QTMAN: variants seen among roughly 807,000 people sequenced by gnomAD.
QTMAN encodes tRNA-queuosine alpha-mannosyltransferase.
the QTMAN span, among the ~76,000 whole-genome samples, chr2:144,184,245 C>T: frequency 1.3e-4 from 20 of 151,972 alleles, no homozygotes; most frequent in African/African-American, 4.6e-4. Flanking sequence ...TGGGCCAATC[C>T]TTCTTTTTTT....
chr2:144,251,076 A>G, the QTMAN span, among the ~76,000 whole-genome samples: 21 of 152,134 alleles, frequency 1.4e-4, no homozygotes, highest in African/African-American at 5.1e-4. Flanking sequence ...GCCACTTTGT[A>G]TAAAAGTAGT....
the QTMAN span, among the ~76,000 whole-genome samples, chr2:144,035,312 T>C: frequency 6.6e-6 from 1 of 152,300 alleles, no homozygotes; most frequent in South Asian, 2.1e-4. Context: ...CAATGAAACC[T>C]CTTTTCTTTA....
chr2:144,131,637 C>T, the QTMAN span, among the ~76,000 whole-genome samples: 1 of 151,882 alleles, frequency 6.6e-6, no homozygotes, highest in Non-Finnish European at 1.5e-5. Flanking sequence ...TTAATCTTCT[C>T]TAGATCCAAT....
At chr2:144,171,457 T>G in the QTMAN span, among the ~76,000 whole-genome samples, 1 of 152,236 alleles carries the variant, frequency 6.6e-6, no homozygotes. Flanking sequence ...TACAAAAATT[T>G]TTTAACTTCC....
At chr2:144,019,541 G>C in the QTMAN span, among the ~76,000 whole-genome samples, 1 of 150,370 alleles carries the variant, frequency 6.7e-6, no homozygotes, top group Non-Finnish European at 1.5e-5. Flanking sequence ...AAAGGCTCAG[G>C]AATTTATCAG....
chr2:144,084,003 T>C, the QTMAN span, among the ~76,000 whole-genome samples: 3 of 152,222 alleles, frequency 2.0e-5, no homozygotes, highest in Non-Finnish European at 4.4e-5. Flanking sequence ...TAATAATACA[T>C]GTGAAGAGAA....
At chr2:144,229,621 T>C in the QTMAN span, among the ~76,000 whole-genome samples, 38 of 152,152 alleles carry the variant, frequency 2.5e-4, no homozygotes, top group African/African-American at 8.4e-4. Context: ...TCTTAGCATA[T>C]AGGATAAGCA....
At chr2:144,098,786 T>C in the QTMAN span, among the ~76,000 whole-genome samples, 1 of 149,366 alleles carries the variant, frequency 6.7e-6, no homozygotes, top group African/African-American at 2.5e-5. Context: ...TTCCCTAAGG[T>C]AAACGGCACT....
the QTMAN span, among the ~76,000 whole-genome samples, chr2:144,158,667 T>C: frequency 6.6e-6 from 1 of 151,958 alleles, no homozygotes; most frequent in Non-Finnish European, 1.5e-5. Flanking sequence ...TTGCAACAGA[T>C]ACATTACTTC....
At chr2:144,033,959 T>C in the QTMAN span, among the ~76,000 whole-genome samples, 3 of 152,298 alleles carry the variant, frequency 2.0e-5, no homozygotes, top group African/African-American at 4.8e-5. Context: ...TGGGGCTGCA[T>C]GGGATGAGTG....
the QTMAN span, among the ~76,000 whole-genome samples, chr2:144,058,178 T>G: frequency 8.9e-6 from 1 of 112,668 alleles, no homozygotes; most frequent in Non-Finnish European, 1.7e-5. Flanking sequence ...ACAAAGAAAC[T>G]TTTGGAGATG....
the QTMAN span, among the ~76,000 whole-genome samples, chr2:144,309,747 T>A: frequency 6.6e-6 from 1 of 152,184 alleles, no homozygotes. Flanking sequence ...TTTTACTATA[T>A]GCAAATTATA....
the QTMAN span, among the ~76,000 whole-genome samples, chr2:144,098,188 C>T: frequency 6.6e-6 from 1 of 152,186 alleles, no homozygotes; most frequent in Non-Finnish European, 1.5e-5. Context: ...AGGCTCACAA[C>T]CAATACGTCA....
At chr2:144,125,507 G>A in the QTMAN span, among the ~76,000 whole-genome samples, 14 of 152,058 alleles carry the variant, frequency 9.2e-5, no homozygotes, top group South Asian at 1.2e-3. Flanking sequence ...CTGCTGTGTA[G>A]TGTTGTGATG....
At chr2:144,101,027 G>A in the QTMAN span, among the ~76,000 whole-genome samples, 3 of 151,574 alleles carry the variant, frequency 2.0e-5, no homozygotes, top group Non-Finnish European at 4.4e-5. Context: ...CTGCCACCAC[G>A]CTGGCTAATT....
the QTMAN span, among the ~76,000 whole-genome samples, chr2:144,183,739 G>A: frequency 6.6e-6 from 1 of 152,060 alleles, no homozygotes; most frequent in African/African-American, 2.4e-5. Context: ...ATTTGTTAAG[G>A]AATTCACATC....
chr2:144,162,116 A>G, the QTMAN span, among the ~76,000 whole-genome samples: 1 of 152,202 alleles, frequency 6.6e-6, no homozygotes, highest in East Asian at 1.9e-4. Context: ...AATTTAGAAG[A>G]GTAACTACAT....
the QTMAN span, among the ~76,000 whole-genome samples, chr2:144,260,969 G>T: frequency 1.3e-5 from 2 of 151,872 alleles, no homozygotes; most frequent in Admixed American, 1.3e-4. Flanking sequence ...TCTCAACATA[G>T]TGGCATAGGT....
chr2:144,273,676 A>T, the QTMAN span, among the ~76,000 whole-genome samples: 3 of 152,208 alleles, frequency 2.0e-5, no homozygotes, highest in Admixed American at 2.0e-4. Context: ...AAAACATATG[A>T]CAAGGACATA....
Sources: allele counts gnomAD v4.1 joint callset (sites outside exome capture counted in the v4.1 genomes callset), GRCh38; gene constraint gnomAD v4.1.1; transcripts MANE v1.5; gene names NCBI Gene and HGNC (gene_info 2026-07-23, HGNC 2026-07-21).